Variants in RERE observed in about 807,000 individuals in gnomAD.
RERE encodes arginine-glutamic acid dipeptide repeats.
A neutral mutation model predicts 146.1 loss-of-function variants in RERE; 40 were observed. The observed-to-expected ratio is 0.27, with a 90% CI of 0.21 to 0.36. RERE has a LOEUF of 0.36. RERE is among the 10% of genes least tolerant of loss of function. The pLI is 1.00. For missense variants in RERE, 1,933 were observed against 2,138.7 expected (o/e 0.90, Z 1.90); for synonymous variants, 1,003 against 866.0 (o/e 1.16, Z -2.78).
chr1:8,363,917 C>A, intron 15 of RERE, 139 bp downstream of exon 15: 1 of 776,018 alleles, frequency 1.3e-6, no homozygotes. Context: ...CAAGCTACCG[C>A]CTCGGGCAAA....
chr1:8,786,707 C>A, intron 1 of RERE: 1 of 787,414 alleles, frequency 1.3e-6, no homozygotes. Context: ...AAGTTGCCAG[C>A]TTTTCTTGCC....
chr1:8,622,508 A>AC (rs1484925938), intron 3 of RERE, among the ~76,000 whole-genome samples: 2 of 121,342 alleles, frequency 1.6e-5, no homozygotes, highest in Admixed American at 7.7e-5. Flanking sequence ...AAAAAAAAAA[A>AC]AAACACACTT....
chr1:8,554,405 G>A (rs1645979008), intron 6 of RERE, among the ~76,000 whole-genome samples: 1 of 152,088 alleles, frequency 6.6e-6, no homozygotes, highest in Non-Finnish European at 1.5e-5. Flanking sequence ...TCCAGGATTT[G>A]GCTGAGTGCG....
chr1:8,563,684 A>T (rs998760047), intron 4 of RERE, among the ~76,000 whole-genome samples: 4 of 152,234 alleles, frequency 2.6e-5, no homozygotes, highest in African/African-American at 9.6e-5. Context: ...CTGCTTAGTC[A>T]TGGGGGCTCT....
chr1:8,757,937 T>A (rs1569727175), intron 1 of RERE, among the ~76,000 whole-genome samples: 1 of 37,026 alleles, frequency 2.7e-5, no homozygotes, highest in South Asian at 6.7e-4. Context: ...CACATATATA[T>A]GCAATAGGAT....
chr1:8,602,473 T>C (rs1179129739), intron 4 of RERE, among the ~76,000 whole-genome samples: 1 of 150,028 alleles, frequency 6.7e-6, no homozygotes, highest in Non-Finnish European at 1.5e-5. Context: ...GTATATGTTT[T>C]ATAAGTTATA....
At chr1:8,708,359 G>C (rs1639597815) in intron 1 of RERE, among the ~76,000 whole-genome samples, 1 of 152,112 alleles carries the variant, frequency 6.6e-6, no homozygotes, top group African/African-American at 2.4e-5. Flanking sequence ...CCCCCAGGCT[G>C]GAGTGCAGTG....
chr1:8,760,523 G>A (rs1352479061), intron 1 of RERE, among the ~76,000 whole-genome samples: 1 of 152,178 alleles, frequency 6.6e-6, no homozygotes, highest in East Asian at 1.9e-4. Context: ...TCCTTGGTGT[G>A]AAGGGTGAGA....
intron 1 of RERE, among the ~76,000 whole-genome samples, chr1:8,757,059 C>T (rs960062328): frequency 1.5e-5 from 2 of 134,214 alleles, no homozygotes; most frequent in African/African-American, 5.7e-5. Flanking sequence ...CATTGCACTC[C>T]AACCTGGGCA....
At chr1:8,577,215 T>TG (rs1491498305) in intron 4 of RERE, among the ~76,000 whole-genome samples, 3 of 152,154 alleles carry the variant, frequency 2.0e-5, no homozygotes, top group Non-Finnish European at 4.4e-5. Flanking sequence ...TGAATTTTTT[T>TG]GTTTTTTTAA....
At chr1:8,460,370 G>A (rs1446777892) in intron 11 of RERE, among the ~76,000 whole-genome samples, 1 of 152,122 alleles carries the variant, frequency 6.6e-6, no homozygotes, top group Non-Finnish European at 1.5e-5. Flanking sequence ...CCGGCCGCAC[G>A]GGTTCACTGG....
chr1:8,628,778 T>C (rs1570535346), intron 2 of RERE, among the ~76,000 whole-genome samples: 1 of 152,226 alleles, frequency 6.6e-6, no homozygotes, highest in Non-Finnish European at 1.5e-5. Flanking sequence ...AGTTGGAATA[T>C]ATGCCCAGTA....
intron 11 of RERE, among the ~76,000 whole-genome samples, chr1:8,457,355 A>C (rs1472582131): frequency 6.6e-6 from 1 of 152,232 alleles, no homozygotes; most frequent in African/African-American, 2.4e-5. Flanking sequence ...TTTGCCTCAT[A>C]AATGTGGAAA....
chr1:8,812,295 G>C (rs1202545777), intron 1 of RERE, among the ~76,000 whole-genome samples: 1 of 152,126 alleles, frequency 6.6e-6, no homozygotes, highest in Non-Finnish European at 1.5e-5. Context: ...ACCATATAAG[G>C]AAAATTTTCA....
At chr1:8,737,840 T>G in intron 1 of RERE, among the ~76,000 whole-genome samples, 1 of 152,198 alleles carries the variant, frequency 6.6e-6, no homozygotes, top group East Asian at 1.9e-4. Context: ...ACACTCCAAT[T>G]TCACACTCAA....
At chr1:8,698,193 C>G (rs1397539578) in intron 1 of RERE, among the ~76,000 whole-genome samples, 1 of 152,088 alleles carries the variant, frequency 6.6e-6, no homozygotes, top group Non-Finnish European at 1.5e-5. Flanking sequence ...CCTGAGAGAC[C>G]ACCACATAAA....
chr1:8,450,924 G>C (rs1295615861), intron 11 of RERE, among the ~76,000 whole-genome samples: 1 of 152,104 alleles, frequency 6.6e-6, no homozygotes, highest in African/African-American at 2.4e-5. Context: ...ACCATTCTTG[G>C]TGCTCTTTAT....
At chr1:8,416,399 CAT>C (rs1643765111) in intron 12 of RERE, among the ~76,000 whole-genome samples, 1 of 151,972 alleles carries the variant, frequency 6.6e-6, no homozygotes, top group Non-Finnish European at 1.5e-5. Flanking sequence ...TCCTGGTTAA[CAT>C]GGTGAAAACC....
At position 8,359,773 on chromosome 1, in the gene RERE, C is replaced by T. The variant is rs757331765; in HGVS notation, c.3609G>A (p.Glu1203=). The change falls in exon 19 of 23, where the codon GAG becomes GAA. Residue 1203 remains glutamate (E), a synonymous_variant. Transcript: ENST00000400908. ...CCAACCCTGGACTCACAGCCGCCCG[C>T]TCTGCCTCGCGCTCCCGCTCTCGCT... The part of the protein sequence containing the change: ...EREREREREA[E]RAAKASSSAH... 3 of 1,600,800 alleles carry T rather than the reference C, an allele frequency of 1.9e-6. No individual in the cohort carries two copies. Among genetic ancestry groups the T allele is most frequent in the Admixed American group, 3.3e-5 (2 of 59,906 alleles).
Sources: allele counts gnomAD v4.1 joint callset (sites outside exome capture counted in the v4.1 genomes callset), GRCh38; gene constraint gnomAD v4.1.1; transcripts MANE v1.5; gene names NCBI Gene and HGNC (gene_info 2026-07-23, HGNC 2026-07-21).